NEO1: variants seen among roughly 807,000 people sequenced by gnomAD.
NEO1 encodes the protein neogenin.
Under a neutral mutation model 159.7 loss-of-function variants are expected in NEO1, and 63 were observed. The ratio of observed to expected loss-of-function variants is 0.39; its 90% confidence interval spans 0.32 to 0.49. The LOEUF is 0.49. Ranked by LOEUF, NEO1 falls within the 20% of genes least tolerant of loss-of-function variation. NEO1 has a pLI of 0.85. For missense variants in NEO1, 1,615 were observed against 1,831.0 expected, an observed-to-expected ratio of 0.88 and a Z score of 2.15; for synonymous variants, 633 against 662.0, an observed-to-expected ratio of 0.96 and a Z score of 0.67.
intron 5 of NEO1, chr15:73,161,824 CT>C: frequency 3.6e-6 from 1 of 277,566 alleles, no homozygotes; most frequent in Non-Finnish European, 7.0e-6. Flanking sequence ...CCTGGTCAGT[CT>C]TCCAGAAGCA....
intron 1 of NEO1, among the ~76,000 whole-genome samples, chr15:73,060,589 T>G (rs1176679372): frequency 6.6e-6 from 1 of 151,548 alleles, no homozygotes; most frequent in Non-Finnish European, 1.5e-5. Context: ...GTTTTAAATT[T>G]ATAGAGTGTT....
At chr15:73,181,460 A>G (rs2035608190) in intron 7 of NEO1, among the ~76,000 whole-genome samples, 1 of 152,182 alleles carries the variant, frequency 6.6e-6, no homozygotes, top group Admixed American at 6.5e-5. Flanking sequence ...TAGGTAATTT[A>G]TAAAGAAAAG....
chr15:73,064,589 C>A (rs1363460997), intron 1 of NEO1, among the ~76,000 whole-genome samples: 1 of 152,146 alleles, frequency 6.6e-6, no homozygotes, highest in Non-Finnish European at 1.5e-5. Context: ...CTCAGCCTCC[C>A]AAGTAGCTGG....
At position 73,223,822 on chromosome 15, in the gene NEO1, A is replaced by G. The variant is rs147912571; in HGVS notation, c.1292-12525A>G. On this transcript the variant is annotated intron_variant, in intron 7 of 28. Coordinates refer to ENST00000261908, the MANE Select transcript of NEO1 (RefSeq NM_002499.4). Reference sequence around the variant, plus strand: ...GAGGTACCATTACATGCATCGTGCTATTTGTTGCCAGTGTACCTTGGTTTT... The same window carrying G: ...GAGGTACCATTACATGCATCGTGCTGTTTGTTGCCAGTGTACCTTGGTTTT... 2.4e-3 allele frequency among the ~76,000 whole-genome samples: 366 copies of G among 152,230 alleles called. 2 individuals are homozygous for G. The highest frequency in any genetic ancestry group is 7.5e-3 in the African/African-American group (310 of 41,538).
chr15:73,211,663 C>T (rs567597661), intron 7 of NEO1, among the ~76,000 whole-genome samples: 44 of 152,184 alleles, frequency 2.9e-4, no homozygotes, highest in African/African-American at 1.0e-3. Flanking sequence ...TGCAGTGAGC[C>T]GAGATCGCGC....
At chr15:73,149,342 C>T (rs1312365737) in intron 5 of NEO1, among the ~76,000 whole-genome samples, 1 of 151,286 alleles carries the variant, frequency 6.6e-6, no homozygotes, top group Non-Finnish European at 1.5e-5. Flanking sequence ...TTTCAGTGAC[C>T]ATGTTAAAAG....
intron 7 of NEO1, among the ~76,000 whole-genome samples, chr15:73,218,885 A>G (rs2150740775): frequency 6.6e-6 from 1 of 152,196 alleles, no homozygotes. Flanking sequence ...TCCTGGATTC[A>G]TTAATTTTTT....
At chr15:73,265,689 C>A (rs1215134805) in intron 15 of NEO1, among the ~76,000 whole-genome samples, 3 of 152,148 alleles carry the variant, frequency 2.0e-5, no homozygotes, top group Non-Finnish European at 2.9e-5. Flanking sequence ...TTAGTTCTGA[C>A]ACAGGAAGAC....
intron 24 of NEO1, 91 bp downstream of exon 24, chr15:73,288,642 G>C: frequency 9.2e-7 from 1 of 1,089,514 alleles, no homozygotes; most frequent in South Asian, 1.4e-5. Flanking sequence ...CCTTCATTTG[G>C]CAATTCCTAT....
chr15:73,223,751 A>T lies in NEO1; in HGVS notation c.1292-12596A>T, dbSNP rs1314678527. On this transcript the variant is annotated intron_variant, in intron 7 of 28. Coordinates refer to ENST00000261908, the MANE Select transcript of NEO1 (RefSeq NM_002499.4). ...CCATTCCGCAGTTGTGTATCTTTTA[A>T]GTGGAGCATTTAGGCCATTTACATT... Among the ~76,000 whole-genome samples, 3 of 152,192 alleles carry T rather than the reference A, an allele frequency of 2.0e-5. No individual in the cohort carries two copies. The East Asian group carries it at 5.8e-4, about 29-fold the overall frequency.
intron 1 of NEO1, among the ~76,000 whole-genome samples, chr15:73,099,019 A>G (rs1338264933): frequency 2.6e-5 from 4 of 152,180 alleles, no homozygotes; most frequent in Non-Finnish European, 5.9e-5. Context: ...ATTAAGGGCC[A>G]TTTGCATTCC....
chr15:73,188,049 C>T (rs1258053837), intron 7 of NEO1, among the ~76,000 whole-genome samples: 3 of 152,062 alleles, frequency 2.0e-5, no homozygotes, highest in Non-Finnish European at 2.9e-5. Flanking sequence ...TCAGAATTTG[C>T]TATATTTACT....
intron 5 of NEO1, chr15:73,162,118 C>A: frequency 4.5e-6 from 1 of 221,720 alleles, no homozygotes; most frequent in Non-Finnish European, 9.4e-6. Context: ...TCTTCCTCTC[C>A]ACAACCCGGG....
At chr15:73,093,916 T>C (rs749595756) in intron 1 of NEO1, among the ~76,000 whole-genome samples, 17 of 152,122 alleles carry the variant, frequency 1.1e-4, no homozygotes, top group Non-Finnish European at 2.1e-4. Context: ...CTCATTGACA[T>C]ACCTCCATCA....
At chr15:73,214,130 TGTTTAA>T (rs2037743983) in intron 7 of NEO1, among the ~76,000 whole-genome samples, 1 of 152,182 alleles carries the variant, frequency 6.6e-6, no homozygotes, top group African/African-American at 2.4e-5. Context: ...CTTACTGTTT[TGTTTAA>T]ATTTTTTGTC....
chr15:73,244,973 A>AC (rs2039696895), intron 9 of NEO1, among the ~76,000 whole-genome samples: 3 of 147,686 alleles, frequency 2.0e-5, no homozygotes, highest in Non-Finnish European at 4.5e-5. Context: ...AAAAAAAAAA[A>AC]AAAAAAAAAA....
At chr15:73,073,019 A>G (rs1011454258) in intron 1 of NEO1, among the ~76,000 whole-genome samples, 1 of 152,180 alleles carries the variant, frequency 6.6e-6, no homozygotes. Flanking sequence ...AATTTTGGAC[A>G]TTATGAATTT....
At chr15:73,058,599 G>A (rs1448616216) in intron 1 of NEO1, among the ~76,000 whole-genome samples, 1 of 152,166 alleles carries the variant, frequency 6.6e-6, no homozygotes, top group Non-Finnish European at 1.5e-5. Flanking sequence ...GTATGTGGGG[G>A]TCAGGGTTCC....
chr15:73,216,987 G>C (rs1174673923), intron 7 of NEO1, among the ~76,000 whole-genome samples: 1 of 151,974 alleles, frequency 6.6e-6, no homozygotes, highest in African/African-American at 2.4e-5. Context: ...TGGTGTTTTA[G>C]ACATGAAGTC....
Sources: gnomAD v4.1 joint callset for allele counts (sites outside exome capture counted in the v4.1 genomes callset) on GRCh38, gnomAD v4.1.1 for gene constraint, MANE v1.5 for transcripts, NCBI Gene and HGNC (gene_info 2026-07-23, HGNC 2026-07-21) for gene names.